FSTL5: variants seen among roughly 807,000 people sequenced by gnomAD.
FSTL5 encodes the protein follistatin like 5.
In FSTL5, 62 loss-of-function variants were observed where a neutral mutation model predicts 89.1. That is an observed-to-expected ratio of 0.70 (90% CI 0.57 to 0.86). The LOEUF (loss-of-function observed/expected upper bound fraction) is 0.86, where lower values mean the gene tolerates loss of function less well. Among genes scored for constraint, FSTL5 ranks in the 40% least tolerant of loss-of-function variants. FSTL5 has a pLI of 0.00. For synonymous variants in FSTL5, 383 were observed against 346.2 expected (o/e 1.11, Z -1.18); for missense variants, 1,057 against 1,001.6 (o/e 1.06, Z -0.75).
chr4:161,874,026 A>G (rs1295918791), intron 4 of FSTL5, among the ~76,000 whole-genome samples: 3 of 152,066 alleles, frequency 2.0e-5, no homozygotes, highest in African/African-American at 4.8e-5. Flanking sequence ...CTCTTAGTAT[A>G]TGGAAGGTAT....
At chr4:161,983,598 G>A (rs76973778) in intron 3 of FSTL5, among the ~76,000 whole-genome samples, 8,416 of 152,090 alleles carry the variant, frequency 0.055, 321 homozygotes, top group Middle Eastern at 0.15. Flanking sequence ...TATGAAATAC[G>A]TGTCTTCCCT....
At chr4:162,102,709 TTATA>T (rs1053150331) in intron 2 of FSTL5, among the ~76,000 whole-genome samples, 1 of 145,422 alleles carries the variant, frequency 6.9e-6, no homozygotes, top group South Asian at 2.1e-4. Flanking sequence ...ATTTATATAT[TTATA>T]TATATTTATT....
chr4:161,525,655 C>T (rs920719726), intron 10 of FSTL5, among the ~76,000 whole-genome samples: 29 of 152,102 alleles, frequency 1.9e-4, no homozygotes, highest in Admixed American at 1.4e-3. Context: ...GAATTCAATG[C>T]GACTCTAATG....
intron 8 of FSTL5, among the ~76,000 whole-genome samples, chr4:161,579,731 C>CAAAAAAAAAAAA (rs33926609): frequency 3.0e-5 from 3 of 98,800 alleles, no homozygotes; most frequent in Non-Finnish European, 4.6e-5. Flanking sequence ...CAAAAACAAA[C>CAAAAAAAAAAAA]AAAAAAAAAA....
At chr4:161,876,975 G>T (rs1579161874) in intron 4 of FSTL5, among the ~76,000 whole-genome samples, 1 of 151,500 alleles carries the variant, frequency 6.6e-6, no homozygotes, top group South Asian at 2.1e-4. Flanking sequence ...ACCAGAGGTC[G>T]GGAGTTTGAG....
intron 3 of FSTL5, among the ~76,000 whole-genome samples, chr4:162,028,617 T>C (rs1273180047): frequency 1.3e-5 from 2 of 152,118 alleles, no homozygotes; most frequent in Non-Finnish European, 2.9e-5. Context: ...TGCAGTTCAC[T>C]AAAAATATAG....
intron 8 of FSTL5, among the ~76,000 whole-genome samples, chr4:161,583,989 C>T (rs1391082669): frequency 6.6e-6 from 1 of 152,034 alleles, no homozygotes; most frequent in Admixed American, 6.6e-5. Flanking sequence ...CTAACTATTC[C>T]CCTACTTACT....
At chr4:161,804,804 C>T (rs1161581935) in intron 4 of FSTL5, among the ~76,000 whole-genome samples, 4 of 151,930 alleles carry the variant, frequency 2.6e-5, no homozygotes, top group Non-Finnish European at 5.9e-5. Flanking sequence ...ATATTTTGAA[C>T]ATTATCTAAA....
At chr4:161,872,580 G>A (rs945009519) in intron 4 of FSTL5, among the ~76,000 whole-genome samples, 2 of 152,042 alleles carry the variant, frequency 1.3e-5, no homozygotes, top group Non-Finnish European at 2.9e-5. Flanking sequence ...TTTACTACAC[G>A]CCAGGCACTA....
chr4:161,990,670 G>A (rs1488609480), intron 3 of FSTL5, among the ~76,000 whole-genome samples: 1 of 151,946 alleles, frequency 6.6e-6, no homozygotes, highest in Non-Finnish European at 1.5e-5. Flanking sequence ...TAAGAACAGA[G>A]ACTCTACAGT....
chr4:161,538,827 G>A (rs1053224608), intron 9 of FSTL5, among the ~76,000 whole-genome samples: 5 of 151,962 alleles, frequency 3.3e-5, no homozygotes, highest in Admixed American at 6.6e-5. Flanking sequence ...ACAGTGGCAC[G>A]ATCTCAGCTC....
In FSTL5 at chr4:162,080,240, T is replaced by C. The variant is rs114462417; in HGVS notation, c.126+31031A>G. Among the ~76,000 whole-genome samples, 1,070 of 151,776 alleles carry C rather than the reference T, an allele frequency of 7.0e-3. 7 individuals carry two copies. Among genetic ancestry groups the C allele is most frequent in the Non-Finnish European group, 0.012 (791 of 67,726 alleles). On this transcript the variant is annotated intron_variant, in intron 2 of 15. Transcript: ENST00000306100. ...TCAGCTTTGGAAATAATTTCACCTA[T>C]ATTTTTACAACTTTTACTTTTCTAT...
At chr4:161,447,623 T>C (rs1482407332) in intron 15 of FSTL5, among the ~76,000 whole-genome samples, 1 of 152,124 alleles carries the variant, frequency 6.6e-6, no homozygotes, top group Admixed American at 6.6e-5. Context: ...GTGTGGCCTG[T>C]ATTAATATGC....
chr4:162,109,176 T>C (rs75710765), intron 2 of FSTL5, among the ~76,000 whole-genome samples: 4 of 151,978 alleles, frequency 2.6e-5, no homozygotes, highest in Admixed American at 6.6e-5. Context: ...GATCCTAATC[T>C]TGACTGACAC....
At chr4:161,998,445 GACCAATCTTCCCCTTTAGGAAGACTCTCC>G in intron 3 of FSTL5, among the ~76,000 whole-genome samples, 1 of 152,092 alleles carries the variant, frequency 6.6e-6, no homozygotes, top group East Asian at 1.9e-4. Flanking sequence ...TGATCACATT[GACCAATCTTCCCCTTTAGGAAGACTCTCC>G]TGTAATTTTT....
intron 3 of FSTL5, among the ~76,000 whole-genome samples, chr4:162,000,612 A>G (rs998268805): frequency 2.6e-5 from 4 of 151,558 alleles, no homozygotes; most frequent in Non-Finnish European, 5.9e-5. Context: ...AAAAAAAAAC[A>G]AAAACAACAA....
intron 6 of FSTL5, among the ~76,000 whole-genome samples, chr4:161,685,903 G>A (rs914995995): frequency 6.6e-6 from 1 of 152,030 alleles, no homozygotes; most frequent in African/African-American, 2.4e-5. Flanking sequence ...TGTCATAGTT[G>A]GCTTTTATTA....
At chr4:161,678,831 G>A (rs973368560) in intron 6 of FSTL5, among the ~76,000 whole-genome samples, 6 of 151,776 alleles carry the variant, frequency 4.0e-5, no homozygotes, top group African/African-American at 1.4e-4. Context: ...TTTGATACCT[G>A]AGAGTGAAGT....
At chr4:161,779,025 A>G (rs1191248110) in intron 4 of FSTL5, among the ~76,000 whole-genome samples, 1 of 152,202 alleles carries the variant, frequency 6.6e-6, no homozygotes, top group Non-Finnish European at 1.5e-5. Context: ...ACTTAGACCA[A>G]TGGCATTGGG....
Sources: allele counts gnomAD v4.1 joint callset (sites outside exome capture counted in the v4.1 genomes callset), GRCh38; gene constraint gnomAD v4.1.1; transcripts MANE v1.5; gene names NCBI Gene and HGNC (gene_info 2026-07-23, HGNC 2026-07-21).